REV3L: variants seen among roughly 807,000 people sequenced by gnomAD.
REV3L encodes the protein REV3 like, DNA directed polymerase zeta catalytic subunit, also known as DNA polymerase zeta catalytic subunit.
A neutral mutation model predicts 299.4 loss-of-function variants in REV3L; 69 were observed. The observed-to-expected ratio is 0.23, with a 90% CI of 0.19 to 0.28. REV3L has a LOEUF of 0.28. Among genes scored for constraint, REV3L ranks in the 10% least tolerant of loss-of-function variants. REV3L has a pLI of 1.00. For missense variants in REV3L, 3,128 were observed against 3,693.8 expected, an observed-to-expected ratio of 0.85 and a Z score of 3.97; for synonymous variants, 1,238 against 1,271.4, an observed-to-expected ratio of 0.97 and a Z score of 0.56.
intron 24 of REV3L, 60 bp downstream of exon 24, chr6:111,331,616 T>C: frequency 1.7e-6 from 2 of 1,173,106 alleles, no homozygotes; most frequent in Non-Finnish European, 2.5e-6. Context: ...ATCTAAACCA[T>C]TATCAGCTCT....
At position 111,400,752 on chromosome 6, in the gene REV3L, T is replaced by C. The variant is rs527752022; in HGVS notation, c.565+4718A>G. Among the ~76,000 whole-genome samples, 3 of 152,266 alleles carry C rather than the reference T, an allele frequency of 2.0e-5. No homozygotes were observed. The East Asian group carries it at 5.8e-4, about 29-fold the overall frequency. ...TAATTTCTCTTTTCATGGATCATGC[T>C]TTTGGTGTCATATCTAAAACTTCAT... On this transcript the variant is annotated intron_variant, in intron 4 of 31. Transcript: ENST00000368802.
chr6:111,483,529 G>A, upstream of REV3L: 1 of 513,872 alleles, frequency 1.9e-6, no homozygotes, highest in South Asian at 1.6e-5. Context: ...TTGCGGGAGG[G>A]GGGCGCCAGT....
intron 21 of REV3L, among the ~76,000 whole-genome samples, chr6:111,337,619 T>A (rs1200331337): frequency 6.6e-6 from 1 of 152,186 alleles, no homozygotes; most frequent in Non-Finnish European, 1.5e-5. Flanking sequence ...TTTATATTCA[T>A]ACTAGTGATG....
At chr6:111,420,324 G>A (rs181357663) in intron 1 of REV3L, among the ~76,000 whole-genome samples, 15 of 152,162 alleles carry the variant, frequency 9.9e-5, no homozygotes, top group Admixed American at 5.9e-4. Flanking sequence ...TGATTAAGTC[G>A]AGCTAACATA....
chr6:111,405,869 T>C (rs1024289500), intron 3 of REV3L, among the ~76,000 whole-genome samples: 3 of 152,142 alleles, frequency 2.0e-5, no homozygotes, highest in East Asian at 1.9e-4. Flanking sequence ...TTAAACCAAT[T>C]TGATACTAAC....
chr6:111,326,727 G>A (rs561721515), intron 25 of REV3L, among the ~76,000 whole-genome samples: 1 of 151,518 alleles, frequency 6.6e-6, no homozygotes, highest in Non-Finnish European at 1.5e-5. Flanking sequence ...ATCAACGAGT[G>A]AATGGATAAA....
In REV3L at chr6:111,372,915, C is replaced by A; in HGVS notation, c.5440G>T (p.Ala1814Ser). 1 of 1,614,056 alleles carries A rather than the reference C, an allele frequency of 6.2e-7. No homozygotes were observed. The highest frequency in any genetic ancestry group is 2.2e-5 in the East Asian group (1 of 44,880). The change falls in exon 13 of 32, where the codon GCC becomes TCC. Residue 1814 changes from alanine (A) to serine (S), a missense_variant. Physicochemically the swap from Ala to Ser is moderately conservative, Grantham distance 99. Transcript: ENST00000368802. ...RKEMGQSLDS[A>S]NTSFTAILSS... ...AGTATTGCAGTAAAAGAGGTATTGGCTGAGTCAAGAGACTGTCCCATTTCT... is the reference window on the plus strand; with the variant it reads ...AGTATTGCAGTAAAAGAGGTATTGGATGAGTCAAGAGACTGTCCCATTTCT...
chr6:111,339,588 A>G (rs1776273973), intron 21 of REV3L, among the ~76,000 whole-genome samples: 2 of 152,242 alleles, frequency 1.3e-5, no homozygotes, highest in Middle Eastern at 3.4e-3. Context: ...CTTATCTTTC[A>G]TAACTAAAGG....
At chr6:111,427,909 G>C (rs867137132) in intron 1 of REV3L, among the ~76,000 whole-genome samples, 1 of 152,004 alleles carries the variant, frequency 6.6e-6, no homozygotes, top group Non-Finnish European at 1.5e-5. Flanking sequence ...AGTTGGAGTG[G>C]CTGTTCAGCA....
chr6:111,332,859 T>C (rs1006199896), intron 23 of REV3L, among the ~76,000 whole-genome samples: 4 of 152,224 alleles, frequency 2.6e-5, no homozygotes, highest in Non-Finnish European at 5.9e-5. Flanking sequence ...AAAGAGACTA[T>C]AGTTACATAT....
intron 20 of REV3L, among the ~76,000 whole-genome samples, chr6:111,345,775 C>T (rs77155251): frequency 6.6e-6 from 1 of 151,508 alleles, no homozygotes; most frequent in African/African-American, 2.4e-5. Context: ...GCTGCTGCCG[C>T]CTTTTTTTTT....
chr6:111,471,772 C>T (rs1792248806), intron 1 of REV3L, among the ~76,000 whole-genome samples: 1 of 152,100 alleles, frequency 6.6e-6, no homozygotes, highest in Non-Finnish European at 1.5e-5. Flanking sequence ...CATGACTATT[C>T]TTAGAGACAA....
intron 1 of REV3L, among the ~76,000 whole-genome samples, chr6:111,444,355 T>TAA (rs1350430992): frequency 6.6e-6 from 1 of 152,140 alleles, no homozygotes; most frequent in Non-Finnish European, 1.5e-5. Flanking sequence ...AGGAGATTTT[T>TAA]AAAAACAAGC....
At chr6:111,304,242 T>TA (rs1421304484) in intron 31 of REV3L, among the ~76,000 whole-genome samples, 2 of 149,916 alleles carry the variant, frequency 1.3e-5, no homozygotes, top group Non-Finnish European at 2.9e-5. Context: ...TCTGCTTCAT[T>TA]AAAAATTTCT....
chr6:111,349,032 A>C (rs1188600256), intron 20 of REV3L, 186 bp downstream of exon 20: 2 of 424,392 alleles, frequency 4.7e-6, no homozygotes, highest in Admixed American at 4.3e-5. Flanking sequence ...CTCACTTAAA[A>C]CATTAAAGTC....
At position 111,367,354 on chromosome 6, in the gene REV3L, G is replaced by A; in HGVS notation, c.6434C>T (p.Pro2145Leu). Residue 2145 changes from proline to leucine, a missense_variant, in exon 14 of 32, where the codon CCC becomes CTC. Pro to Leu is a moderately conservative substitution (Grantham distance 98). Transcript: ENST00000368802. ...AGGCAGCTCCTCTACTGGTGATGAG[G>A]GTCTATCATCTCCATTTAATGCTTT... The part of the protein sequence containing the change: ...DSKALNGDDR[P>L]SSPVEELPSL... 1 of 1,607,120 alleles carries A rather than the reference G, an allele frequency of 6.2e-7. No individual in the cohort carries two copies. The highest frequency in any genetic ancestry group is 8.5e-7 in the Non-Finnish European group (1 of 1,177,434).
intron 1 of REV3L, among the ~76,000 whole-genome samples, chr6:111,456,404 G>A (rs1790162700): frequency 6.6e-6 from 1 of 152,192 alleles, no homozygotes; most frequent in Admixed American, 6.5e-5. Flanking sequence ...TTTTTAAGAA[G>A]AAATCTGTAT....
At chr6:111,430,862 G>A (rs377309513) in intron 1 of REV3L, 34 of 1,604,748 alleles carry the variant, frequency 2.1e-5, no homozygotes, top group Admixed American at 3.3e-5. Context: ...AAAACCAGAC[G>A]GAACAACAAT....
rs138739259 is a variant in REV3L, at chr6:111,464,906, G to A, written c.139+17844C>T. Reference sequence around the variant, plus strand: ...AGTCCCAGCTACTTGGGAGGCTGAGGCAGAAGAATTGCTTGAACCTGGGAG... The same window carrying A: ...AGTCCCAGCTACTTGGGAGGCTGAGACAGAAGAATTGCTTGAACCTGGGAG... On this transcript the variant is annotated intron_variant, in intron 1 of 31. Coordinates refer to ENST00000368802, the MANE Select transcript of REV3L (RefSeq NM_001372078.1). Among the ~76,000 whole-genome samples, 248 of 151,942 alleles carry A rather than the reference G, an allele frequency of 1.6e-3. 2 individuals carry two copies. Among genetic ancestry groups the A allele is most frequent in the African/African-American group, 5.8e-3 (241 of 41,460 alleles).
Sources: allele counts gnomAD v4.1 joint callset (sites outside exome capture counted in the v4.1 genomes callset), GRCh38; gene constraint gnomAD v4.1.1; transcripts MANE v1.5; gene names NCBI Gene and HGNC (gene_info 2026-07-23, HGNC 2026-07-21).